GRIK5: variants seen among roughly 807,000 people sequenced by gnomAD.
GRIK5 encodes glutamate ionotropic receptor kainate type subunit 5.
GRIK5 carries 43 observed loss-of-function variants against 97.4 expected under a neutral mutation model. That is an observed-to-expected ratio of 0.44 (90% confidence interval 0.35 to 0.57). GRIK5 has a LOEUF of 0.57. GRIK5 is among the 20% of genes least tolerant of loss of function. The probability of loss-of-function intolerance (pLI) is 0.01; values close to 1 mark genes in which losing one functional copy is unlikely to be tolerated. For missense variants in GRIK5, 1,015 were observed against 1,382.0 expected (o/e 0.73, Z 4.21); for synonymous variants, 580 against 583.5 (o/e 0.99, Z 0.09).
intron 11 of GRIK5, among the ~76,000 whole-genome samples, chr19:42,053,117 T>TG (rs2146139714): frequency 6.6e-6 from 1 of 152,322 alleles, no homozygotes; most frequent in Admixed American, 6.5e-5. Flanking sequence ...GCTTGGGTAC[T>TG]GAGAGGTCTG....
chr19:42,070,061 CCT>C lies in GRIK5; in HGVS notation c.-873_-872del, dbSNP rs531636519. Among the ~76,000 whole-genome samples, 14 of 152,080 alleles carry C rather than the reference CCT, an allele frequency of 9.2e-5. No individual in the cohort carries two copies. Among genetic ancestry groups the C allele is most frequent in the African/African-American group, 3.4e-4 (14 of 41,410 alleles). ...GGGCCTGGCGACACACTCCTGGTCC[CCT>C]GTGAGGAGCCGGCTCCAGTCCCCGG... On this transcript the variant is annotated 5_prime_UTR_variant, in exon 1 of 20. Transcript: ENST00000593562.
chr19:42,053,396 C>T (rs912209437), intron 11 of GRIK5, among the ~76,000 whole-genome samples: 5 of 152,204 alleles, frequency 3.3e-5, no homozygotes, highest in Non-Finnish European at 7.4e-5. Context: ...TTAAATCTGG[C>T]CCTGAGGGCA....
At chr19:42,053,117 T>C (rs1013593616) in intron 11 of GRIK5, among the ~76,000 whole-genome samples, 1 of 152,204 alleles carries the variant, frequency 6.6e-6, no homozygotes, top group Non-Finnish European at 1.5e-5. Context: ...GCTTGGGTAC[T>C]GAGAGGTCTG....
rs1248292628 is a variant in GRIK5, at chr19:41,999,991, C to T, written c.2515-692G>A. ...GGAAGCCAGCCTGCTGGACAGATAA[C>T]CGGGCAGGGCCGAAATGCCCAGGTG... On this transcript the variant is annotated intron_variant, in intron 19 of 19. Transcript: ENST00000593562. This position sits in a 1 kb window ranked among gnomAD's most constrained non-coding sequence, Gnocchi z 5.0. Among the ~76,000 whole-genome samples the T allele has an allele frequency of 6.6e-6, 1 of 152,212 alleles. No homozygotes were observed. The highest frequency in any genetic ancestry group is 1.9e-4 in the East Asian group (1 of 5,204).
chr19:42,030,365 A>G (rs887681420), intron 12 of GRIK5, among the ~76,000 whole-genome samples: 1 of 152,078 alleles, frequency 6.6e-6, no homozygotes, highest in Admixed American at 6.5e-5. Context: ...TATTTTTAGT[A>G]GAGATGGGGT....
intron 12 of GRIK5, among the ~76,000 whole-genome samples, chr19:42,033,809 T>C (rs926904904): frequency 6.6e-6 from 1 of 152,080 alleles, no homozygotes; most frequent in African/African-American, 2.4e-5. Flanking sequence ...AAGACCAGCA[T>C]GGAAACAAGG....
Position 42,021,964 on chromosome 19 carries a change from G to A in GRIK5, c.1680C>T (p.Val560=). Residue 560 remains valine, a synonymous_variant, in exon 14 of 20, where the codon GTC becomes GTT. Coordinates refer to ENST00000593562, the MANE Select transcript of GRIK5 (RefSeq NM_002088.5). This position sits in a 1 kb window ranked among gnomAD's most constrained non-coding sequence, Gnocchi z 4.2. ...MLLAYLAVSC[V]LFLAARLSPY... The stretch of plus-strand genomic sequence containing the variant: ...GGACTCACCTGGCAGCCAGAAACAG[G>A]ACGCAGCTGACAGCCAGGTAGGCAA... 1 of 1,612,760 alleles carries A rather than the reference G, an allele frequency of 6.2e-7. No individual in the cohort carries two copies. Among genetic ancestry groups the A allele is most frequent in the Non-Finnish European group, 8.5e-7 (1 of 1,178,888 alleles).
intron 5 of GRIK5, among the ~76,000 whole-genome samples, chr19:42,059,819 AC>A (rs1359340312): frequency 6.6e-6 from 1 of 151,926 alleles, no homozygotes; most frequent in Non-Finnish European, 1.5e-5. Context: ...TCCTTGCTCA[AC>A]CACCACGGCT....
rs1375829842 is a variant in GRIK5, at chr19:42,056,664, C to T, written c.901G>A (p.Ala301Thr). Residue 301 changes from alanine (A) to threonine (T), a missense_variant and splice_region_variant, in exon 8 of 20, where the codon GCG becomes ACG. Ala to Thr is a moderately conservative substitution (Grantham distance 58). This residue lies in a region of GRIK5 where 477 missense variants were observed against 701.1 expected (regional missense o/e 0.68). Transcript: ENST00000593562. ...TGACTGGGTATCTGTGTGCTCACCG[C>T]AGGGCCCAGGTAGGTGCTGGCTTCA... ...NCEASTYLGP[A>T]LSAALMFDAV... 4 of 1,613,700 alleles carry T rather than the reference C, an allele frequency of 2.5e-6. No homozygotes were observed. In the African/African-American group the frequency reaches 4.0e-5, roughly 16 times the overall value.
chr19:42,023,828 C>T (rs1441272842), intron 12 of GRIK5, among the ~76,000 whole-genome samples: 2 of 152,236 alleles, frequency 1.3e-5, no homozygotes, highest in Non-Finnish European at 2.9e-5. Flanking sequence ...ATCGGCGCCC[C>T]CTGCCGCCAC....
intron 12 of GRIK5, among the ~76,000 whole-genome samples, chr19:42,031,692 T>C (rs189977691): frequency 1.7e-3 from 255 of 152,360 alleles, no homozygotes; most frequent in Admixed American, 3.1e-3. Context: ...GGAGCCTATA[T>C]AGAAACTGTT....
In GRIK5 at chr19:42,003,517, G is replaced by A. The variant is rs1555871601; in HGVS notation, c.2392+38C>T. On this transcript the variant is annotated intron_variant, in intron 18 of 19. Coordinates refer to ENST00000593562, the MANE Select transcript of GRIK5 (RefSeq NM_002088.5). The surrounding 1 kb of genome is among the most constrained non-coding windows in gnomAD (Gnocchi z 4.2). ...GGCTGTGTGGGAAGGGGGCTGGGAG[G>A]GGGCTATGGGAAGGGGACACCATAC... 1.9e-6 allele frequency: 3 copies of A among 1,604,548 alleles called. No individual in the cohort carries two copies. Among genetic ancestry groups the A allele is most frequent in the Admixed American group, 3.3e-5 (2 of 59,768 alleles).
chr19:42,049,641 G>C (rs2076087163), intron 11 of GRIK5, among the ~76,000 whole-genome samples: 1 of 152,206 alleles, frequency 6.6e-6, no homozygotes, highest in Non-Finnish European at 1.5e-5. Context: ...GAAGGGCATG[G>C]GGAGGCTTTG....
intron 11 of GRIK5, among the ~76,000 whole-genome samples, chr19:42,043,874 C>A (rs1260643736): frequency 6.6e-6 from 1 of 152,154 alleles, no homozygotes; most frequent in Admixed American, 6.6e-5. Flanking sequence ...TGTACCACTG[C>A]ACTTCAGCCT....
Position 42,022,019 on chromosome 19 carries a change from A to C in GRIK5, c.1625T>G (p.Phe542Cys). 1 of 1,613,902 alleles carries C rather than the reference A, an allele frequency of 6.2e-7. No individual in the cohort carries two copies. Among genetic ancestry groups the C allele is most frequent in the Non-Finnish European group, 8.5e-7 (1 of 1,179,846 alleles). ...KPGYFSFLDPFSPAVWLFMLL... is the reference protein window; with the variant it reads ...KPGYFSFLDPCSPAVWLFMLL... ...CATGAAGAGCCACACAGCAGGGGAGAAGGGGTCCAGGAAGGAGAAGTAGCC... is the reference window on the plus strand; with the variant it reads ...CATGAAGAGCCACACAGCAGGGGAGCAGGGGTCCAGGAAGGAGAAGTAGCC... Residue 542 changes from phenylalanine to cysteine, a missense_variant, in exon 14 of 20, where the codon TTC (phenylalanine) becomes TGC (cysteine). By Grantham distance (205) the Phe-to-Cys change is radical. Coordinates refer to ENST00000593562, the MANE Select transcript of GRIK5 (RefSeq NM_002088.5). This position sits in a 1 kb window ranked among gnomAD's most constrained non-coding sequence, Gnocchi z 4.2.
At position 42,042,683 on chromosome 19, in the gene GRIK5, C is replaced by T. The variant is rs1055850349; in HGVS notation, c.1342G>A (p.Val448Met). 1.2e-6 allele frequency: 2 copies of T among 1,613,546 alleles called. No homozygotes were observed. Among genetic ancestry groups the T allele is most frequent in the Non-Finnish European group, 1.7e-6 (2 of 1,180,010 alleles). ...SGNERFEGFC[V>M]DMLRELAELL... Reference sequence around the variant, plus strand: ...TCGGCCAGCTCCCGCAGCATGTCCACGCAGAAGCCCTCGAAGCGTTCGTTC... The same window carrying T: ...TCGGCCAGCTCCCGCAGCATGTCCATGCAGAAGCCCTCGAAGCGTTCGTTC... Residue 448 changes from valine to methionine, a missense_variant, in exon 12 of 20, where the codon GTG (valine) becomes ATG (methionine). Transcript: ENST00000593562. The surrounding 1 kb of genome is among the most constrained non-coding windows in gnomAD (Gnocchi z 6.9).
Position 42,056,838 on chromosome 19 carries a change from A to C in GRIK5, c.742-15T>G. On this transcript the variant is annotated splice_polypyrimidine_tract_variant and intron_variant, in intron 7 of 19. Transcript: ENST00000593562. ...ATGGGGAAGTCCTGGGACCAGGAAG[A>C]GGTGGTGAGGCCTGGGGCTAAGCCC... The C allele has an allele frequency of 6.2e-7, 1 of 1,614,030 alleles. No homozygotes were observed. Among genetic ancestry groups the C allele is most frequent in the Non-Finnish European group, 8.5e-7 (1 of 1,179,916 alleles).
Position 42,024,744 on chromosome 19 carries a change from CCT to C in GRIK5, c.1474-2392_1474-2391del, listed in dbSNP as rs542022276. 3.5e-4 allele frequency among the ~76,000 whole-genome samples: 54 copies of C among 152,238 alleles called. No individual in the cohort carries two copies. The East Asian group carries it at 7.0e-3, about 20-fold the overall frequency. On this transcript the variant is annotated intron_variant, in intron 12 of 19. Transcript: ENST00000593562. ...CCGCATTCCTGGGCCACTCGCCACC[CCT>C]CTCTCTCGTGCCAGCTTCTTTCTGG...
rs1309582136 is a variant in GRIK5 at position 42,022,824 on chromosome 19, C to T, written c.1474-470G>A. Among the ~76,000 whole-genome samples, 1 of 151,754 alleles carries T rather than the reference C, an allele frequency of 6.6e-6. No individual in the cohort carries two copies. Among genetic ancestry groups the T allele is most frequent in the Non-Finnish European group, 1.5e-5 (1 of 67,960 alleles). ...AGGAAGGGTGCAGGTCAGCATGTGCCCACAGCCAGTGGAGACATAACCCAG... is the reference window on the plus strand; with the variant it reads ...AGGAAGGGTGCAGGTCAGCATGTGCTCACAGCCAGTGGAGACATAACCCAG... On this transcript the variant is annotated intron_variant, in intron 12 of 19. Transcript: ENST00000593562. The surrounding 1 kb of genome is among the most constrained non-coding windows in gnomAD (Gnocchi z 4.2).
Sources: gnomAD v4.1 joint callset for allele counts (sites outside exome capture counted in the v4.1 genomes callset) on GRCh38, gnomAD v4.1.1 for gene constraint, gnomAD v4.1.1 regional missense constraint, Gnocchi (gnomAD v3.1) non-coding constraint, MANE v1.5 for transcripts, NCBI Gene and HGNC (gene_info 2026-07-23, HGNC 2026-07-21) for gene names.